Variants in RANBP2 observed in about 807,000 individuals in gnomAD.
RANBP2 encodes RAN binding protein 2, also known as E3 SUMO-protein ligase RanBP2.
In RANBP2, 57 loss-of-function variants were observed where a neutral mutation model predicts 303.6. The ratio of observed to expected loss-of-function variants is 0.19; its 90% CI spans 0.15 to 0.23. The LOEUF (loss-of-function observed/expected upper bound fraction) is 0.23. RANBP2 is among the 10% of genes least tolerant of loss of function. The probability of loss-of-function intolerance (pLI) is 1.00; values close to 1 mark genes in which losing one functional copy is unlikely to be tolerated. For missense variants in RANBP2, 3,138 were observed against 3,780.8 expected, an observed-to-expected ratio of 0.83 and a Z score of 4.46; for synonymous variants, 1,167 against 1,301.5, an observed-to-expected ratio of 0.90 and a Z score of 2.23.
the RANBP2 span, chr2:109,553,136 A>G: frequency 1.2e-5 from 19 of 1,613,822 alleles, no homozygotes; most frequent in Non-Finnish European, 1.4e-5. Flanking sequence ...TACTCGCTGC[A>G]CAAACATCTG....
At chr2:109,071,031 C>T in the RANBP2 span, among the ~76,000 whole-genome samples, 3 of 152,036 alleles carry the variant, frequency 2.0e-5, no homozygotes, top group African/African-American at 7.3e-5. Flanking sequence ...ATAAATTACC[C>T]ATATTTAGGT....
downstream of RANBP2, among the ~76,000 whole-genome samples, chr2:108,790,335 G>T (rs1485039447): frequency 1.3e-5 from 2 of 151,986 alleles, no homozygotes; most frequent in Admixed American, 6.6e-5. Context: ...AATGACCTGG[G>T]TATAACTCTA....
the RANBP2 span, among the ~76,000 whole-genome samples, chr2:109,152,654 A>G: frequency 6.6e-6 from 1 of 152,218 alleles, no homozygotes; most frequent in South Asian, 2.1e-4. Flanking sequence ...TTATTTAATA[A>G]AGAGTAAGCA....
chr2:109,319,829 C>T, the RANBP2 span, among the ~76,000 whole-genome samples: 68 of 152,320 alleles, frequency 4.5e-4, no homozygotes, highest in African/African-American at 1.6e-3. Flanking sequence ...GCACCTCTGT[C>T]CCCTTAGAGG....
the RANBP2 span, among the ~76,000 whole-genome samples, chr2:109,608,123 TTTTTA>T: frequency 6.6e-6 from 1 of 152,232 alleles, no homozygotes; most frequent in Non-Finnish European, 1.5e-5. Flanking sequence ...CAAAAGCAGC[TTTTTA>T]TTTTAATTTT....
chr2:109,203,880 G>C, the RANBP2 span, among the ~76,000 whole-genome samples: 2 of 152,226 alleles, frequency 1.3e-5, no homozygotes, highest in African/African-American at 4.8e-5. Flanking sequence ...CTTGTTCCCT[G>C]TGCGGCCTGG....
chr2:108,789,018 C>G (rs748220805), downstream of RANBP2: 1 of 1,595,236 alleles, frequency 6.3e-7, no homozygotes, highest in Non-Finnish European at 8.6e-7. Context: ...TCTCAAAAAA[C>G]TGAGAAAGAG....
At chr2:109,103,737 C>T in the RANBP2 span, among the ~76,000 whole-genome samples, 9 of 151,942 alleles carry the variant, frequency 5.9e-5, no homozygotes, top group Admixed American at 5.2e-4. Flanking sequence ...TTCAGGACTG[C>T]GAGGGCCTGG....
the RANBP2 span, among the ~76,000 whole-genome samples, chr2:108,948,883 C>T: frequency 1.9e-3 from 288 of 152,156 alleles, no homozygotes; most frequent in African/African-American, 3.7e-3. Context: ...TTTGGGATGC[C>T]GAGGCAGGAT....
chr2:108,729,929 A>G (rs1287300769), intron 2 of RANBP2, among the ~76,000 whole-genome samples: 2 of 152,086 alleles, frequency 1.3e-5, no homozygotes, highest in African/African-American at 2.4e-5. Flanking sequence ...TATGTTGCCC[A>G]GGCTAGTCTT....
the RANBP2 span, among the ~76,000 whole-genome samples, chr2:109,473,698 G>A: frequency 1.8e-3 from 276 of 151,992 alleles, no homozygotes; most frequent in Middle Eastern, 3.4e-3. Context: ...TCCTGCTGCC[G>A]TGCCCAGCTC....
chr2:109,038,177 C>A, the RANBP2 span, among the ~76,000 whole-genome samples: 1 of 152,152 alleles, frequency 6.6e-6, no homozygotes, highest in South Asian at 2.1e-4. Context: ...AAAAACAATT[C>A]AATAGAGAAG....
chr2:108,923,337 A>ACC, the RANBP2 span: 1 of 1,603,534 alleles, frequency 6.2e-7, no homozygotes, highest in African/African-American at 1.3e-5. Context: ...CTGAACAAAT[A>ACC]CCGTGCTGGT....
chr2:109,301,192 G>T, the RANBP2 span, among the ~76,000 whole-genome samples: 2 of 152,302 alleles, frequency 1.3e-5, no homozygotes, highest in East Asian at 3.9e-4. Flanking sequence ...GGATTGCCCT[G>T]GTTCCTCTGC....
At chr2:109,371,427 T>C in the RANBP2 span, among the ~76,000 whole-genome samples, 1 of 152,222 alleles carries the variant, frequency 6.6e-6, no homozygotes, top group Non-Finnish European at 1.5e-5. Flanking sequence ...AGGGTGCTCC[T>C]GGGTGAAGAT....
chr2:109,070,994 T>C, the RANBP2 span, among the ~76,000 whole-genome samples: 2 of 152,196 alleles, frequency 1.3e-5, no homozygotes, highest in East Asian at 1.9e-4. Context: ...CAGGAGCAGA[T>C]GTGAGCAAAT....
chr2:108,811,508 G>T, the RANBP2 span, among the ~76,000 whole-genome samples: 1 of 151,972 alleles, frequency 6.6e-6, no homozygotes, highest in Non-Finnish European at 1.5e-5. Context: ...CTCCCAAAGT[G>T]CTGGGATTAC....
chr2:109,483,947 C>T, the RANBP2 span, among the ~76,000 whole-genome samples: 1 of 152,196 alleles, frequency 6.6e-6, no homozygotes, highest in Non-Finnish European at 1.5e-5. Flanking sequence ...CCCACAACCC[C>T]CGCCATCCCT....
intron 7 of RANBP2, among the ~76,000 whole-genome samples, chr2:108,741,099 A>G (rs1198442536): frequency 6.6e-6 from 1 of 152,336 alleles, no homozygotes; most frequent in Admixed American, 6.5e-5. Flanking sequence ...GCAATTTAAC[A>G]TGTTAATTGA....
Sources: allele counts gnomAD v4.1 joint callset (sites outside exome capture counted in the v4.1 genomes callset), GRCh38; gene constraint gnomAD v4.1.1; transcripts MANE v1.5; gene names NCBI Gene and HGNC (gene_info 2026-07-23, HGNC 2026-07-21).